Variants in ATG10 observed in about 807,000 individuals in gnomAD.
ATG10 encodes the protein ubiquitin-like-conjugating enzyme ATG10.
A neutral mutation model predicts 32.1 loss-of-function variants in ATG10; 30 were observed. The observed-to-expected ratio is 0.94, with a 90% CI of 0.70 to 1.27. ATG10 has a LOEUF of 1.27. Among genes scored for constraint, ATG10 ranks in the 50% most tolerant of loss-of-function variants. ATG10 has a pLI of 0.00. For missense variants in ATG10, 233 were observed against 262.3 expected, an observed-to-expected ratio of 0.89 and a Z score of 0.77; for synonymous variants, 87 against 91.5, an observed-to-expected ratio of 0.95 and a Z score of 0.28.
At chr5:82,238,976 A>C (rs1746679397) in intron 5 of ATG10, among the ~76,000 whole-genome samples, 1 of 152,198 alleles carries the variant, frequency 6.6e-6, no homozygotes, top group African/African-American at 2.4e-5. Context: ...TGTGGAAGCC[A>C]ATAGATAAGA....
intron 2 of ATG10, among the ~76,000 whole-genome samples, chr5:82,056,691 T>A (rs1280913847): frequency 6.6e-6 from 1 of 152,146 alleles, no homozygotes; most frequent in Non-Finnish European, 1.5e-5. Context: ...GAGATCTGTG[T>A]CTATCCCTGG....
chr5:81,988,502 C>T (rs1182860540), intron 2 of ATG10, among the ~76,000 whole-genome samples: 4 of 151,012 alleles, frequency 2.6e-5, no homozygotes, highest in East Asian at 2.0e-4. Flanking sequence ...GGCGCAATCT[C>T]GGCTCACTGC....
intron 3 of ATG10, among the ~76,000 whole-genome samples, chr5:82,161,806 C>A (rs7447326): frequency 1.3e-5 from 2 of 151,276 alleles, no homozygotes; most frequent in Non-Finnish European, 2.9e-5. Flanking sequence ...TTTCTTACCT[C>A]ACACTATATA....
chr5:82,101,582 G>T (rs1765275792), intron 3 of ATG10, among the ~76,000 whole-genome samples: 1 of 152,156 alleles, frequency 6.6e-6, no homozygotes, highest in Non-Finnish European at 1.5e-5. Flanking sequence ...AACTCAGAAG[G>T]CAGAATGGAT....
chr5:82,246,857 A>G (rs1325572611), intron 5 of ATG10, among the ~76,000 whole-genome samples: 1 of 152,114 alleles, frequency 6.6e-6, no homozygotes, highest in Non-Finnish European at 1.5e-5. Flanking sequence ...CTAGCAAGGA[A>G]TTCTCTCAGT....
intron 3 of ATG10, among the ~76,000 whole-genome samples, chr5:82,149,831 A>T (rs1767520172): frequency 6.6e-6 from 1 of 152,182 alleles, no homozygotes; most frequent in South Asian, 2.1e-4. Context: ...TCCTATGGGA[A>T]GGTGGTAGAA....
chr5:82,178,624 T>C (rs1406323881), intron 5 of ATG10, 37 bp downstream of exon 5: 3 of 1,341,780 alleles, frequency 2.2e-6, no homozygotes, highest in African/African-American at 1.4e-5. Flanking sequence ...ATGCATGTTA[T>C]TGTATTCTTT....
At chr5:82,059,389 TACAC>T (rs3084714) in intron 3 of ATG10, among the ~76,000 whole-genome samples, 4 of 145,342 alleles carry the variant, frequency 2.8e-5, no homozygotes, top group East Asian at 2.0e-4. Flanking sequence ...TTCTATCATA[TACAC>T]ACACACACAC....
In ATG10 at chr5:82,124,347, C is replaced by T. The variant is rs767791306; in HGVS notation, c.217-40052C>T. Among the ~76,000 whole-genome samples, 8 of 150,354 alleles carry T rather than the reference C, an allele frequency of 5.3e-5. No individual in the cohort carries two copies. The South Asian group carries it at 6.3e-4, about 12-fold the overall frequency. On this transcript the variant is annotated intron_variant, in intron 3 of 7. Coordinates refer to ENST00000282185, the MANE Select transcript of ATG10 (RefSeq NM_031482.5). Reference sequence around the variant, plus strand: ...TAAGTTCTGGGATACATGTGCAGAACGTGCAGGTTTGTTAAATAGGTATAC... The same window carrying T: ...TAAGTTCTGGGATACATGTGCAGAATGTGCAGGTTTGTTAAATAGGTATAC...
At chr5:82,077,571 AT>A (rs550996338) in intron 3 of ATG10, among the ~76,000 whole-genome samples, 6,774 of 150,166 alleles carry the variant, frequency 0.045, 168 homozygotes, top group African/African-American at 0.059. Context: ...AGATTAAAAA[AT>A]TTTTTTTTTT....
intron 5 of ATG10, among the ~76,000 whole-genome samples, chr5:82,202,619 G>T (rs1389822256): frequency 6.6e-6 from 1 of 152,164 alleles, no homozygotes; most frequent in African/African-American, 2.4e-5. Context: ...GATCTCAGAG[G>T]CTCCTTTTCC....
At chr5:82,155,537 A>G (rs372518429) in intron 3 of ATG10, among the ~76,000 whole-genome samples, 31 of 152,348 alleles carry the variant, frequency 2.0e-4, no homozygotes, top group African/African-American at 6.3e-4. Flanking sequence ...CTGCAGCTGC[A>G]GAGACCTATG....
intron 3 of ATG10, among the ~76,000 whole-genome samples, chr5:82,088,433 A>G (rs141200177): frequency 6.6e-6 from 1 of 152,268 alleles, no homozygotes; most frequent in African/African-American, 2.4e-5. Context: ...AAAATTGTTG[A>G]AATACCCAGG....
chr5:82,101,188 C>T (rs559872861), intron 3 of ATG10, among the ~76,000 whole-genome samples: 1 of 152,112 alleles, frequency 6.6e-6, no homozygotes, highest in Non-Finnish European at 1.5e-5. Context: ...CTTATATAAA[C>T]AGAGTCTGGA....
At chr5:82,156,960 A>G (rs1349013324) in intron 3 of ATG10, among the ~76,000 whole-genome samples, 1 of 152,200 alleles carries the variant, frequency 6.6e-6, no homozygotes, top group African/African-American at 2.4e-5. Flanking sequence ...TCCAGGCACT[A>G]GCTGTCTTGC....
intron 2 of ATG10, among the ~76,000 whole-genome samples, chr5:82,001,929 C>G (rs1273422391): frequency 6.6e-6 from 1 of 152,054 alleles, no homozygotes; most frequent in Non-Finnish European, 1.5e-5. Context: ...GGAATTTAAA[C>G]AAATTAACAA....
intron 3 of ATG10, among the ~76,000 whole-genome samples, chr5:82,061,497 A>C (rs567789943): frequency 1.3e-4 from 19 of 151,972 alleles, no homozygotes; most frequent in Non-Finnish European, 2.6e-4. Flanking sequence ...TTAGACTGTA[A>C]ACCCCATGGA....
chr5:82,114,321 A>G (rs1161121784), intron 3 of ATG10, among the ~76,000 whole-genome samples: 9 of 152,016 alleles, frequency 5.9e-5, no homozygotes. Flanking sequence ...CTGCCATGGT[A>G]GAAGTGGAGA....
Position 82,255,504 on chromosome 5 carries a change from T to G in ATG10, c.*1441T>G, listed in dbSNP as rs1747430479. On this transcript the variant is annotated 3_prime_UTR_variant, in exon 8 of 8. Coordinates refer to ENST00000282185, the MANE Select transcript of ATG10 (RefSeq NM_031482.5). ...GAGTCTAGATTAGTGTGTCTTTGAATGAGGGATATACTTAAAATCACCTGA... is the reference window on the plus strand; with the variant it reads ...GAGTCTAGATTAGTGTGTCTTTGAAGGAGGGATATACTTAAAATCACCTGA... 6.6e-6 allele frequency: 1 copy of G among 152,210 alleles called. No individual in the cohort carries two copies. The allele number at this position is 152,210 out of a possible 1,614,324, so 9.4% of individuals were successfully genotyped here.
Sources: gnomAD v4.1 joint callset for allele counts (sites outside exome capture counted in the v4.1 genomes callset) on GRCh38, gnomAD v4.1.1 for gene constraint, MANE v1.5 for transcripts, NCBI Gene and HGNC (gene_info 2026-07-23, HGNC 2026-07-21) for gene names.